The following CASK variants were observed in gnomAD, a reference collection of about 807,000 sequenced individuals.
The protein encoded by CASK is peripheral plasma membrane protein CASK.
Under a neutral mutation model 82.9 loss-of-function variants are expected in CASK, and 4 were observed. That is an observed-to-expected ratio of 0.05 (90% CI 0.02 to 0.11). The LOEUF is 0.11. Ranked by LOEUF, CASK falls within the 10% of genes least tolerant of loss-of-function variation. The pLI is 1.00. For synonymous variants in CASK, 259 were observed against 253.5 expected, an observed-to-expected ratio of 1.02 and a Z score of -0.20; for missense variants, 358 against 720.9, an observed-to-expected ratio of 0.50 and a Z score of 5.76.
intron 1 of CASK, among the ~76,000 whole-genome samples, chrX:41,906,898 A>G (rs1467661036): frequency 1.8e-5 from 2 of 112,735 alleles, no homozygotes; most frequent in Admixed American, 9.3e-5. Context: ...TTCCAACACT[A>G]TACTGCAGAA....
chrX:41,824,383 T>G (rs969122762), intron 2 of CASK, among the ~76,000 whole-genome samples: 1 of 111,958 alleles, frequency 8.9e-6, no homozygotes, highest in Non-Finnish European at 1.9e-5. Context: ...AGATTGACTG[T>G]GAATATTTTT....
At chrX:41,799,546 G>A (rs914548) in intron 2 of CASK, among the ~76,000 whole-genome samples, 18,143 of 107,749 alleles carry the variant, frequency 0.17, 1,439 homozygotes, top group Middle Eastern at 0.3. Context: ...CTCTGTCTCA[G>A]AAAAAACCCA....
intron 24 of CASK, among the ~76,000 whole-genome samples, 173 bp downstream of exon 24, chrX:41,534,532 GA>G (rs2064849651): frequency 9.0e-6 from 1 of 110,716 alleles, no homozygotes; most frequent in African/African-American, 3.3e-5. Flanking sequence ...TTATTATAGG[GA>G]AAGAGGGGTT....
intron 3 of CASK, among the ~76,000 whole-genome samples, chrX:41,758,664 G>A (rs1450391371): frequency 1.8e-5 from 2 of 110,896 alleles, no homozygotes; most frequent in East Asian, 5.7e-4. Context: ...GAATGTCTGA[G>A]GTGCTATAAA....
At chrX:41,704,421 A>G (rs2067852125) in intron 5 of CASK, among the ~76,000 whole-genome samples, 1 of 112,355 alleles carries the variant, frequency 8.9e-6, no homozygotes, top group Admixed American at 9.5e-5. Flanking sequence ...TAAGAGTTCA[A>G]CTACAAAATC....
Position 41,841,516 on chromosome X carries a change from T to G in CASK, c.172+11599A>C, listed in dbSNP as rs751296926. Among the ~76,000 whole-genome samples the G allele has an allele frequency of 2.4e-3, 253 of 106,506 alleles. 1 individual carries two copies. Among genetic ancestry groups the G allele is most frequent in the African/African-American group, 8.2e-3 (239 of 29,254 alleles). The allele number at this position is 106,506 out of a possible 115,157, so 92.5% of individuals were successfully genotyped here. On this transcript the variant is annotated intron_variant, in intron 2 of 26. Transcript: ENST00000378163. ...GTATTATCTTTTTCCTTTTTGTTTT[T>G]TTTTTTTTTTTGGGTGGGGGGGACA...
intron 1 of CASK, among the ~76,000 whole-genome samples, chrX:41,858,703 C>T (rs1243435950): frequency 2.7e-5 from 3 of 112,048 alleles, no homozygotes; most frequent in African/African-American, 9.7e-5. Flanking sequence ...TTCTCTTCTC[C>T]TAAGTCTTCA....
chrX:41,760,480 C>T (rs1401943779), intron 3 of CASK, among the ~76,000 whole-genome samples: 1 of 111,660 alleles, frequency 9.0e-6, no homozygotes, highest in African/African-American at 3.3e-5. Context: ...CTTGGACTTA[C>T]GGGGGTTATC....
At chrX:41,707,117 T>G (rs940907688) in intron 5 of CASK, among the ~76,000 whole-genome samples, 2 of 112,383 alleles carry the variant, frequency 1.8e-5, no homozygotes, top group Admixed American at 1.9e-4. Flanking sequence ...TCCTGGCCAC[T>G]CTTCTCATCC....
chrX:41,777,372 G>T (rs2147809876), intron 3 of CASK, among the ~76,000 whole-genome samples: 1 of 109,575 alleles, frequency 9.1e-6, no homozygotes, highest in Admixed American at 9.8e-5. Flanking sequence ...CATGCCTGTA[G>T]TCCCAGCTAC....
At chrX:41,853,819 A>C (rs2147972844) in intron 1 of CASK, among the ~76,000 whole-genome samples, 1 of 112,248 alleles carries the variant, frequency 8.9e-6, no homozygotes, top group Admixed American at 9.4e-5. Context: ...AAAATCTGAT[A>C]TGATATCCCT....
chrX:41,879,871 A>T (rs761269110), intron 1 of CASK, among the ~76,000 whole-genome samples: 1 of 112,258 alleles, frequency 8.9e-6, no homozygotes, highest in South Asian at 3.7e-4. Context: ...AAAATACACA[A>T]GTTGCTCTCC....
At chrX:41,647,178 T>C (rs2066772356) in intron 8 of CASK, among the ~76,000 whole-genome samples, 1 of 112,380 alleles carries the variant, frequency 8.9e-6, no homozygotes, top group African/African-American at 3.2e-5. Flanking sequence ...GTCTGTTATT[T>C]GGCTTAGAGA....
At chrX:41,829,574 A>C in intron 2 of CASK, among the ~76,000 whole-genome samples, 1 of 76,492 alleles carries the variant, frequency 1.3e-5, no homozygotes. Flanking sequence ...ATTATGAAGA[A>C]TTCTGCTAAA....
At position 41,807,682 on chromosome X, in the gene CASK, C is replaced by T. The variant is rs182963726; in HGVS notation, c.173-20399G>A. Among the ~76,000 whole-genome samples, 134 of 110,558 alleles carry T rather than the reference C, an allele frequency of 1.2e-3. 1 individual carries two copies. Among genetic ancestry groups the T allele is most frequent in the Admixed American group, 0.011 (109 of 10,377 alleles). ...CATGGCATGAGCATCTGGTAAGGTTCGTCCCATTGCAGAAGGGCAACCAAG... is the reference window on the plus strand; with the variant it reads ...CATGGCATGAGCATCTGGTAAGGTTTGTCCCATTGCAGAAGGGCAACCAAG... On this transcript the variant is annotated intron_variant, in intron 2 of 26. Transcript: ENST00000378163.
chrX:41,526,243 C>G (rs1390076755), intron 25 of CASK, among the ~76,000 whole-genome samples: 1 of 111,392 alleles, frequency 9.0e-6, no homozygotes, highest in Non-Finnish European at 1.9e-5. Context: ...CTCCCGGTCA[C>G]ACACATATAC....
intron 2 of CASK, among the ~76,000 whole-genome samples, chrX:41,816,277 TAAG>T (rs2070409418): frequency 8.9e-6 from 1 of 112,247 alleles, no homozygotes; most frequent in Non-Finnish European, 1.9e-5. Flanking sequence ...CCTAAATGTA[TAAG>T]TATCTAATAA....
At chrX:41,729,903 ATTTCT>A (rs1257419402) in intron 5 of CASK, 1 of 112,486 alleles carries the variant, frequency 8.9e-6, no homozygotes, top group Non-Finnish European at 2.0e-5. Context: ...CTTAATGTTA[ATTTCT>A]TTTCTTTCAT....
Position 41,620,121 on chromosome X carries a change from CT to C in CASK, c.1033+2495del, listed in dbSNP as rs1206912257. On this transcript the variant is annotated intron_variant, in intron 11 of 26. Coordinates refer to ENST00000378163, the MANE Select transcript of CASK (RefSeq NM_001367721.1). ...TGTTTCAATAAAGATTTGTGTATTT[CT>C]TTTTTTTTTAAATAGTACAAACTTT... Among the ~76,000 whole-genome samples the C allele has an allele frequency of 3.4e-3, 373 of 108,370 alleles. 1 individual carries two copies. The highest frequency in any genetic ancestry group is 4.7e-3 in the Admixed American group (48 of 10,148). 94.1% of individuals were successfully genotyped at this position (108,370 alleles called of 115,157 possible).
Sources: gnomAD v4.1 joint callset for allele counts (sites outside exome capture counted in the v4.1 genomes callset) on GRCh38, gnomAD v4.1.1 for gene constraint, MANE v1.5 for transcripts, NCBI Gene and HGNC (gene_info 2026-07-23, HGNC 2026-07-21) for gene names.